Variants in MUC5B observed in about 807,000 individuals in gnomAD.
MUC5B encodes the protein mucin 5B, oligomeric mucus/gel-forming.
MUC5B carries 116 observed loss-of-function variants against 376.9 expected under a neutral mutation model. That is an observed-to-expected ratio of 0.31 (90% CI 0.26 to 0.36). MUC5B has a LOEUF of 0.36. Ranked by LOEUF, MUC5B falls within the 10% of genes least tolerant of loss-of-function variation. MUC5B has a pLI of 1.00. For synonymous variants in MUC5B, 3,517 were observed against 3,390.9 expected (o/e 1.04, Z -1.29); for missense variants, 7,165 against 7,769.9 (o/e 0.92, Z 2.93).
chr11:1,240,379 AGCCCT>A lies in MUC5B; in HGVS notation c.3970+8_3970+12del. 1 of 1,588,300 alleles carries A rather than the reference AGCCCT, an allele frequency of 6.3e-7. No individual in the cohort carries two copies. Among genetic ancestry groups the A allele is most frequent in the Non-Finnish European group, 8.6e-7 (1 of 1,163,064 alleles). On this transcript the variant is annotated splice_donor_5th_base_variant and intron_variant, in intron 30 of 48. Transcript: ENST00000529681. ...TGGGTCCCCCACTCCACGACAAGTAAGCCCTGCCTGGCTCTCCTGAGGCCCAGTAC... is the reference window on the plus strand; with the variant it reads ...TGGGTCCCCCACTCCACGACAAGTAAGCCTGGCTCTCCTGAGGCCCAGTAC...
chr11:1,252,247 C>G (rs1278272276), intron 31 of MUC5B, 96 bp from the exon 32 acceptor site: 1 of 1,241,956 alleles, frequency 8.1e-7, no homozygotes, highest in Non-Finnish European at 1.1e-6. Context: ...GGAACCGCTG[C>G]TCCCTCCTGC....
At position 1,227,127 on chromosome 11, in the gene MUC5B, C is replaced by A; in HGVS notation, c.558C>A (p.Asn186Lys). 6.2e-7 allele frequency: 1 copy of A among 1,612,102 alleles called. No individual in the cohort carries two copies. Among genetic ancestry groups the A allele is most frequent in the Non-Finnish European group, 8.5e-7 (1 of 1,179,442 alleles). ...GGCTGGTGCTGACATTCCTGTGGAACGGAGAGGACAGTGCCCTGGTGAGGA... is the reference window on the plus strand; with the variant it reads ...GGCTGGTGCTGACATTCCTGTGGAAAGGAGAGGACAGTGCCCTGGTGAGGA... ...SIRLVLTFLWNGEDSALLELD... is the reference protein window; with the variant it reads ...SIRLVLTFLWKGEDSALLELD... Residue 186 changes from asparagine to lysine, a missense_variant, in exon 5 of 49, where the codon AAC becomes AAA. This residue lies in a region of MUC5B where 640 missense variants were observed against 733.0 expected (regional missense o/e 0.87). Coordinates refer to ENST00000529681, the MANE Select transcript of MUC5B (RefSeq NM_002458.3).
At chr11:1,227,865 C>T in intron 7 of MUC5B, 84 bp downstream of exon 7, 1 of 641,828 alleles carries the variant, frequency 1.6e-6, no homozygotes. Context: ...AGGAATGTTC[C>T]CAGCTGGTGG....
Position 1,254,791 on chromosome 11 carries a change from C to T in MUC5B, c.15575C>T (p.Ala5192Val). 1 of 1,612,836 alleles carries T rather than the reference C, an allele frequency of 6.2e-7. No individual in the cohort carries two copies. Among genetic ancestry groups the T allele is most frequent in the Non-Finnish European group, 8.5e-7 (1 of 1,179,808 alleles). ...GTTTMRVDIP[A>V]LGVSVTFNGQ... ...ACCACCATGCGTGTGGACATTCCTG[C>T]CCTGGGCGTGAGCGTCACCTTCAAT... Residue 5192 changes from alanine (A) to valine (V), a missense_variant, in exon 35 of 49, where the codon GCC (alanine) becomes GTC (valine). This residue lies in a region of MUC5B where 842 missense variants were observed against 1,016.9 expected (regional missense o/e 0.83). Coordinates refer to ENST00000529681, the MANE Select transcript of MUC5B (RefSeq NM_002458.3).
chr11:1,233,162 T>G lies in MUC5B; in HGVS notation c.2215T>G (p.Phe739Val). ...CGGCTGCACCTGCCCCGCGGGCACC[T>G]TCCTCAATGACGCGGGCGCCTGTGT... ...VDGCTCPAGTFLNDAGACVPA... is the reference protein window; with the variant it reads ...VDGCTCPAGTVLNDAGACVPA... Residue 739 changes from phenylalanine to valine, a missense_variant, in exon 18 of 49, where the codon TTC becomes GTC. By Grantham distance (50) the Phe-to-Val change is conservative. Coordinates refer to ENST00000529681, the MANE Select transcript of MUC5B (RefSeq NM_002458.3). 1 of 1,606,430 alleles carries G rather than the reference T, an allele frequency of 6.2e-7. No homozygotes were observed. Among genetic ancestry groups the G allele is most frequent in the East Asian group, 2.2e-5 (1 of 44,846 alleles).
Position 1,251,536 on chromosome 11 carries a change from A to G in MUC5B, c.14656A>G (p.Met4886Val), listed in dbSNP as rs1411748297. ...TPKVVTTMATMPTATASTVPS... is the reference protein window; with the variant it reads ...TPKVVTTMATVPTATASTVPS... ...CAAAGTGGTGACCACCATGGCCACTATGCCCACAGCCACTGCCTCCACGGT... is the reference window on the plus strand; with the variant it reads ...CAAAGTGGTGACCACCATGGCCACTGTGCCCACAGCCACTGCCTCCACGGT... Residue 4886 changes from methionine (M) to valine (V), a missense_variant, in exon 31 of 49, where the codon ATG becomes GTG. Physicochemically the swap from Met to Val is conservative, Grantham distance 21. Around this residue, in one of 31 missense-constraint regions of MUC5B, gnomAD observed 730 missense variants for 592.7 expected, o/e 1.23. Coordinates refer to ENST00000529681, the MANE Select transcript of MUC5B (RefSeq NM_002458.3). 6.3e-7 allele frequency: 1 copy of G among 1,595,352 alleles called. No individual in the cohort carries two copies. The highest frequency in any genetic ancestry group is 1.7e-5 in the Admixed American group (1 of 59,738).
intron 44 of MUC5B, 86 bp downstream of exon 44, chr11:1,259,147 C>T: frequency 7.6e-7 from 1 of 1,318,418 alleles, no homozygotes; most frequent in African/African-American, 1.5e-5. Flanking sequence ...CCAGGTGAGA[C>T]CTGAGTCACC....
Position 1,253,594 on chromosome 11 carries a change from G to C in MUC5B, c.15218-498G>C, listed in dbSNP as rs1009570412. Reference sequence around the variant, plus strand: ...AAACCCACTCTCCGTCCTGGAGCTGGAAGTCTGAGATCCAGGCGGGCAGGG... The same window carrying C: ...AAACCCACTCTCCGTCCTGGAGCTGCAAGTCTGAGATCCAGGCGGGCAGGG... On this transcript the variant is annotated intron_variant, in intron 33 of 48. Transcript: ENST00000529681. This position sits in a 1 kb window ranked among gnomAD's most constrained non-coding sequence, Gnocchi z 4.3. 6.6e-6 allele frequency among the ~76,000 whole-genome samples: 1 copy of C among 152,202 alleles called. No individual in the cohort carries two copies. Among genetic ancestry groups the C allele is most frequent in the African/African-American group, 2.4e-5 (1 of 41,450 alleles).
At chr11:1,259,163 C>A (rs1862933094) in intron 44 of MUC5B, 102 bp downstream of exon 44, 2 of 1,278,000 alleles carry the variant, frequency 1.6e-6, no homozygotes, top group Non-Finnish European at 2.2e-6. Flanking sequence ...TCACCCGCCC[C>A]CAGGTGAGCC....
intron 23 of MUC5B, among the ~76,000 whole-genome samples, chr11:1,235,932 G>A (rs539929228): frequency 6.6e-6 from 1 of 152,278 alleles, no homozygotes; most frequent in South Asian, 2.1e-4. Flanking sequence ...GCATTTTCAG[G>A]AGCCACGATT....
In MUC5B at chr11:1,232,748, C is replaced by A; in HGVS notation, c.2043C>A (p.Ser681Arg). 1.9e-6 allele frequency: 3 copies of A among 1,597,304 alleles called. No individual in the cohort carries two copies. The highest frequency in any genetic ancestry group is 2.6e-6 in the Non-Finnish European group (3 of 1,170,744). The change falls in exon 17 of 49, where the codon AGC becomes AGA. Residue 681 changes from serine to arginine, a missense_variant. Transcript: ENST00000529681. ...GTGCCGCCAAGGGCGTACAGCTCAG[C>A]GACTGGAGGGACGGCGTCTGCAGTG... ...HACAAKGVQL[S>R]DWRDGVCTKY... is the part of the protein sequence containing the mutation.
At chr11:1,251,784 A>C in intron 31 of MUC5B, 41 bp downstream of exon 31, 3 of 1,376,248 alleles carry the variant, frequency 2.2e-6, no homozygotes, top group Non-Finnish European at 3.0e-6. Context: ...CTTTCCCCAC[A>C]TGCTATGCCA....
intron 47 of MUC5B, 85 bp downstream of exon 47, chr11:1,260,478 G>A: frequency 1.9e-6 from 3 of 1,541,690 alleles, no homozygotes; most frequent in Non-Finnish European, 2.7e-6. Context: ...TCTGCACTAG[G>A]CAGCAGTGGG....
At position 1,226,844 on chromosome 11, in the gene MUC5B, G is replaced by A. The variant is rs375739918; in HGVS notation, c.429G>A (p.Ala143=). The change falls in exon 4 of 49, where the codon GCG becomes GCA. Residue 143 remains alanine (A), a synonymous_variant. Transcript: ENST00000529681. ...AGGCCCAGGGGCTGGTGCTGGAGGC[G>A]TCCAACGGCTCCGTCCTCATCAATG... ...VIKAQGLVLE[A]SNGSVLINGQ... is the part of the protein sequence containing the mutation. 89 of 1,608,446 alleles carry A rather than the reference G, an allele frequency of 5.5e-5. No individual in the cohort carries two copies. The highest frequency in any genetic ancestry group is 1.6e-4 in the Middle Eastern group (1 of 6,082).
At chr11:1,231,855 T>C (rs1026814758) in intron 14 of MUC5B, 141 bp from the exon 15 acceptor site, 2 of 1,225,794 alleles carry the variant, frequency 1.6e-6, no homozygotes, top group African/African-American at 3.0e-5. Context: ...CCAGGGCTTA[T>C]CTGCAGAGGG....
Position 1,231,566 on chromosome 11 carries a change from G to T in MUC5B, c.1678+6G>T, listed in dbSNP as rs761124444. ...CCACCAGGGCCAGATGTGCGGTGAG[G>T]CTGGGCAGGGGCCTTCGGGGACAGG... On this transcript the variant is annotated splice_donor_region_variant and intron_variant, in intron 14 of 48. Transcript: ENST00000529681. 3 of 1,565,206 alleles carry T rather than the reference G, an allele frequency of 1.9e-6. No homozygotes were observed. The highest frequency in any genetic ancestry group is 2.6e-6 in the Non-Finnish European group (3 of 1,158,038).
chr11:1,233,683 G>T, intron 18 of MUC5B, 110 bp from the exon 19 acceptor site: 1 of 1,046,516 alleles, frequency 9.6e-7, no homozygotes, highest in East Asian at 2.6e-5. Flanking sequence ...GCCTTACAAG[G>T]AGGTGGCCAG....
chr11:1,243,355 C>T lies in MUC5B; in HGVS notation c.6475C>T (p.Pro2159Ser), dbSNP rs1278830221. 1 of 1,558,580 alleles carries T rather than the reference C, an allele frequency of 6.4e-7. No homozygotes were observed. Among genetic ancestry groups the T allele is most frequent in the Non-Finnish European group, 8.7e-7 (1 of 1,151,562 alleles). ...CTCAACTCCTGGGACAACTCCCATC[C>T]CCCCAGTGCTGACCACCACCGCCAC... is the stretch of plus-strand genomic sequence containing the variant. ...PSSTPGTTPI[P>S]PVLTTTATTP... is the part of the protein sequence containing the mutation. The change falls in exon 31 of 49, where the codon CCC (proline) becomes TCC (serine). Residue 2159 changes from proline to serine, a missense_variant. Coordinates refer to ENST00000529681, the MANE Select transcript of MUC5B (RefSeq NM_002458.3).
Position 1,240,863 on chromosome 11 carries a change from C to A in MUC5B, c.3983C>A (p.Pro1328Gln), listed in dbSNP as rs776181948. ...ATGCCCCTTGCAGGCCCGGCCCTCC[C>A]GGTCTCCACCGTGTGTGTCCGCGAG... is the stretch of plus-strand genomic sequence containing the variant. ...VPHSTTSPALPVSTVCVREVC... is the reference protein window; with the variant it reads ...VPHSTTSPALQVSTVCVREVC... Residue 1328 changes from proline (P) to glutamine (Q), a missense_variant, in exon 31 of 49, where the codon CCG (proline) becomes CAG (glutamine). By Grantham distance (76) the Pro-to-Gln change is moderately conservative. This residue lies in a region of MUC5B where 517 missense variants were observed against 545.3 expected (regional missense o/e 0.95). Coordinates refer to ENST00000529681, the MANE Select transcript of MUC5B (RefSeq NM_002458.3). 3 of 1,609,022 alleles carry A rather than the reference C, an allele frequency of 1.9e-6. No individual in the cohort carries two copies. In the Admixed American group the frequency reaches 5.0e-5, roughly 27 times the overall value.
Sources: gnomAD v4.1 joint callset for allele counts (sites outside exome capture counted in the v4.1 genomes callset) on GRCh38, gnomAD v4.1.1 for gene constraint, gnomAD v4.1.1 regional missense constraint, Gnocchi (gnomAD v3.1) non-coding constraint, MANE v1.5 for transcripts, NCBI Gene and HGNC (gene_info 2026-07-23, HGNC 2026-07-21) for gene names.